RBFOX1: variants seen among roughly 807,000 people sequenced by gnomAD.
The protein encoded by RBFOX1 is RNA binding fox-1 homolog 1, also known as RNA binding protein fox-1 homolog 1.
In RBFOX1, 8 loss-of-function variants were observed where a neutral mutation model predicts 57.7. The observed-to-expected ratio is 0.14, with a 90% CI of 0.08 to 0.25. The LOEUF is 0.25. Among genes scored for constraint, RBFOX1 ranks in the 10% least tolerant of loss-of-function variants. The pLI is 1.00. For missense variants in RBFOX1, 611 were observed against 548.5 expected, an observed-to-expected ratio of 1.11 and a Z score of -1.14; for synonymous variants, 326 against 222.4, an observed-to-expected ratio of 1.47 and a Z score of -4.15.
chr16:6,798,684 T>G (rs1358402134), intron 3 of RBFOX1, among the ~76,000 whole-genome samples: 1 of 152,234 alleles, frequency 6.6e-6, no homozygotes, highest in Non-Finnish European at 1.5e-5. Flanking sequence ...TGCTTTTCAC[T>G]AATTAAGTTG....
At chr16:5,633,367 G>A (rs1004525068) in intron 3 of RBFOX1, among the ~76,000 whole-genome samples, 1 of 152,106 alleles carries the variant, frequency 6.6e-6, no homozygotes, top group Non-Finnish European at 1.5e-5. Flanking sequence ...ACTTTCAATA[G>A]TTTTAGGGTT....
chr16:6,697,687 G>A (rs745334832), intron 3 of RBFOX1, among the ~76,000 whole-genome samples: 9 of 152,108 alleles, frequency 5.9e-5, no homozygotes, highest in South Asian at 2.1e-4. Flanking sequence ...ACCCCATGGC[G>A]AACAAATGAA....
At chr16:7,384,390 A>G (rs2097843506) in intron 4 of RBFOX1, among the ~76,000 whole-genome samples, 1 of 152,206 alleles carries the variant, frequency 6.6e-6, no homozygotes, top group African/African-American at 2.4e-5. Flanking sequence ...TTATATTTAT[A>G]CCATTACAAA....
intron 5 of RBFOX1, among the ~76,000 whole-genome samples, chr16:7,555,665 G>A (rs181359088): frequency 1.3e-5 from 2 of 152,056 alleles, no homozygotes; most frequent in Non-Finnish European, 2.9e-5. Flanking sequence ...CCAGCCTCAC[G>A]CTTCATCACT....
At position 5,574,455 on chromosome 16, in the gene RBFOX1, G is replaced by T. The variant is rs149694632; in HGVS notation, c.259-24447G>T. ...TTTTTTTTAAGACGGTGTCTCTGTC[G>T]CCGAGGCTAGAGTGCAGTGGCACAA... On this transcript the variant is annotated intron_variant, in intron 2 of 2. Transcript: ENST00000585867. Among the ~76,000 whole-genome samples, 219 of 148,860 alleles carry T rather than the reference G, an allele frequency of 1.5e-3. 4 individuals are homozygous for T. The highest frequency in any genetic ancestry group is 0.013 in the Admixed American group (199 of 14,822).
chr16:7,237,236 C>G (rs1304044534), intron 4 of RBFOX1, among the ~76,000 whole-genome samples: 2 of 152,174 alleles, frequency 1.3e-5, no homozygotes, highest in African/African-American at 4.8e-5. Flanking sequence ...ATCCAGAAGA[C>G]CACATGCTGG....
chr16:7,490,910 A>G (rs1438180719), intron 4 of RBFOX1, among the ~76,000 whole-genome samples: 2 of 152,290 alleles, frequency 1.3e-5, no homozygotes, highest in South Asian at 2.1e-4. Context: ...CTAAGGATAC[A>G]TAGATTCTTA....
chr16:5,548,515 G>A (rs1054764058), intron 2 of RBFOX1, among the ~76,000 whole-genome samples: 2 of 151,938 alleles, frequency 1.3e-5, no homozygotes, highest in Non-Finnish European at 1.5e-5. Flanking sequence ...GTAATTGGAT[G>A]GTTTGTAACT....
chr16:7,594,428 T>A (rs2094588570), intron 7 of RBFOX1, among the ~76,000 whole-genome samples: 2 of 152,228 alleles, frequency 1.3e-5, no homozygotes, highest in Non-Finnish European at 1.5e-5. Flanking sequence ...TAAATTTATG[T>A]GGAAATTGTT....
chr16:6,553,120 T>C (rs1488850007), intron 2 of RBFOX1, among the ~76,000 whole-genome samples: 2 of 152,208 alleles, frequency 1.3e-5, no homozygotes, highest in African/African-American at 4.8e-5. Context: ...GGTAACAGGA[T>C]GTGCCCACTG....
intron 3 of RBFOX1, among the ~76,000 whole-genome samples, chr16:5,803,985 C>G (rs2055146542): frequency 6.6e-6 from 1 of 152,156 alleles, no homozygotes; most frequent in Admixed American, 6.5e-5. Flanking sequence ...CTTACCCTTC[C>G]AAGCCCAGCT....
chr16:6,277,757 A>C (rs2075979742), intron 1 of RBFOX1, among the ~76,000 whole-genome samples: 1 of 151,706 alleles, frequency 6.6e-6, no homozygotes. Flanking sequence ...TTTCCCCTAC[A>C]TTTAATGTGC....
chr16:7,290,231 G>A (rs1030050648), intron 4 of RBFOX1, among the ~76,000 whole-genome samples: 2 of 152,182 alleles, frequency 1.3e-5, no homozygotes, highest in Non-Finnish European at 2.9e-5. Context: ...GAGAAAATGA[G>A]GCTATTTTGA....
intron 4 of RBFOX1, among the ~76,000 whole-genome samples, chr16:7,430,918 A>T (rs2098673179): frequency 6.6e-6 from 1 of 152,242 alleles, no homozygotes; most frequent in Admixed American, 6.5e-5. Flanking sequence ...ACGTAGGGAT[A>T]TGCCAAAGAA....
At chr16:5,731,131 A>G (rs78043136) in intron 3 of RBFOX1, among the ~76,000 whole-genome samples, 2,159 of 152,036 alleles carry the variant, frequency 0.014, 47 homozygotes, top group African/African-American at 0.049. Context: ...ACTGTCATCA[A>G]CAGCACCACC....
intron 5 of RBFOX1, among the ~76,000 whole-genome samples, chr16:7,534,446 A>G (rs1034334721): frequency 2.0e-5 from 3 of 152,060 alleles, no homozygotes; most frequent in Admixed American, 6.6e-5. Context: ...ATGATTAACT[A>G]AAATAGGCAA....
intron 2 of RBFOX1, among the ~76,000 whole-genome samples, chr16:6,566,045 C>G (rs774038428): frequency 3.3e-5 from 5 of 152,198 alleles, no homozygotes; most frequent in Admixed American, 6.5e-5. Context: ...ATTACCAGGA[C>G]AGAGAACAAA....
intron 1 of RBFOX1, among the ~76,000 whole-genome samples, chr16:6,258,889 A>G (rs1598902628): frequency 6.6e-6 from 1 of 152,214 alleles, no homozygotes; most frequent in Admixed American, 6.5e-5. Context: ...ATATACAGCT[A>G]TCTATCCACA....
At chr16:7,571,350 T>C (rs2092753319) in intron 5 of RBFOX1, among the ~76,000 whole-genome samples, 1 of 152,128 alleles carries the variant, frequency 6.6e-6, no homozygotes, top group Admixed American at 6.5e-5. Context: ...CCAAAAGGCA[T>C]GTATCTCTAC....
Sources: gnomAD v4.1 joint callset for allele counts (sites outside exome capture counted in the v4.1 genomes callset) on GRCh38, gnomAD v4.1.1 for gene constraint, MANE v1.5 for transcripts, NCBI Gene and HGNC (gene_info 2026-07-23, HGNC 2026-07-21) for gene names.